The following XPO7 variants were observed in gnomAD, a reference collection of about 807,000 sequenced individuals.
The protein encoded by XPO7 is exportin-7.
Under a neutral mutation model 144.3 loss-of-function variants are expected in XPO7, and 21 were observed. That is an observed-to-expected ratio of 0.15 (90% CI 0.10 to 0.21). The LOEUF is 0.21. Among genes scored for constraint, XPO7 ranks in the 10% least tolerant of loss-of-function variants. The pLI, the probability that XPO7 is intolerant of heterozygous loss-of-function variation, is 1.00. For missense variants in XPO7, 808 were observed against 1,325.8 expected (o/e 0.61, Z 6.06); for synonymous variants, 580 against 499.6 (o/e 1.16, Z -2.15).
chr8:21,943,277 G>A (rs1389263474), intron 1 of XPO7, among the ~76,000 whole-genome samples: 1 of 152,152 alleles, frequency 6.6e-6, no homozygotes, highest in Admixed American at 6.5e-5. Flanking sequence ...ACACAATACG[G>A]CTTTCCCTGG....
intron 9 of XPO7, among the ~76,000 whole-genome samples, chr8:21,981,069 T>C (rs1377288966): frequency 6.6e-6 from 1 of 152,196 alleles, no homozygotes; most frequent in Non-Finnish European, 1.5e-5. Context: ...ACAAATTACA[T>C]TGAATACCTA....
At position 21,989,459 on chromosome 8, in the gene XPO7, A is replaced by T. The variant is rs191641630; in HGVS notation, c.1868+376A>T. 2.6e-3 allele frequency among the ~76,000 whole-genome samples: 403 copies of T among 152,318 alleles called. 1 individual carries two copies. The highest frequency in any genetic ancestry group is 4.4e-3 in the Non-Finnish European group (299 of 68,020). Reference sequence around the variant, plus strand: ...GGTTGGTAGAAACATCCTGATTCCAAGCTTTGTGATTGAAGTGATGACTAT... The same window carrying T: ...GGTTGGTAGAAACATCCTGATTCCATGCTTTGTGATTGAAGTGATGACTAT... On this transcript the variant is annotated intron_variant, in intron 16 of 27. Transcript: ENST00000252512.
intron 14 of XPO7, 111 bp from the exon 15 acceptor site, chr8:21,987,673 G>T (rs1223956343): frequency 8.3e-7 from 1 of 1,204,166 alleles, no homozygotes. Context: ...TCCTCTCTGG[G>T]ATTCTTGTCC....
intron 20 of XPO7, among the ~76,000 whole-genome samples, chr8:21,994,890 A>G (rs993390517): frequency 3.3e-5 from 5 of 151,904 alleles, no homozygotes; most frequent in African/African-American, 1.2e-4. Context: ...CGTCTGTACT[A>G]AAAAATACAA....
At chr8:21,966,398 TAAC>T (rs973953262) in intron 1 of XPO7, 5 of 736,202 alleles carry the variant, frequency 6.8e-6, no homozygotes, top group Admixed American at 3.9e-5. Context: ...TGTAAGCTAA[TAAC>T]TACTACTCAA....
At chr8:21,934,570 A>G (rs146089639) in intron 1 of XPO7, among the ~76,000 whole-genome samples, 154 of 152,296 alleles carry the variant, frequency 1.0e-3, no homozygotes, top group African/African-American at 3.6e-3. Flanking sequence ...TAGAGAACTG[A>G]TATTTTTATT....
chr8:21,997,531 A>G (rs1175010734), intron 21 of XPO7, among the ~76,000 whole-genome samples: 1 of 152,204 alleles, frequency 6.6e-6, no homozygotes, highest in Non-Finnish European at 1.5e-5. Context: ...GAGATAGGAC[A>G]GGCTTGCTGG....
At position 21,980,182 on chromosome 8, in the gene XPO7, A is replaced by G; in HGVS notation, c.936A>G (p.Lys312=). 1 of 1,598,098 alleles carries G rather than the reference A, an allele frequency of 6.3e-7. No homozygotes were observed. Among genetic ancestry groups the G allele is most frequent in the South Asian group, 1.1e-5 (1 of 88,248 alleles). Residue 312 remains lysine, a synonymous_variant, in exon 9 of 28, where the codon AAA becomes AAG. Coordinates refer to ENST00000252512, the MANE Select transcript of XPO7 (RefSeq NM_015024.5). The stretch of plus-strand genomic sequence containing the variant: ...TCTCTCATCTTGTTGATGGTGTTAA[A>G]CGAATACTGGAAAACCCACAGGTAA... ...KFLSHLVDGV[K]RILENPQSLS... is the part of the protein sequence containing the mutation.
intron 1 of XPO7, chr8:21,964,150 G>A (rs915203300): frequency 1.3e-5 from 2 of 152,114 alleles, no homozygotes; most frequent in African/African-American, 4.8e-5. Context: ...CTATTCCAGC[G>A]AGACAAGAAG....
intron 1 of XPO7, among the ~76,000 whole-genome samples, chr8:21,960,625 T>C (rs1459878073): frequency 6.6e-6 from 1 of 152,242 alleles, no homozygotes; most frequent in Non-Finnish European, 1.5e-5. Context: ...TTGCCATCCT[T>C]ATCTCATGCA....
chr8:21,938,371 A>G (rs965383289), intron 1 of XPO7, among the ~76,000 whole-genome samples: 1 of 152,306 alleles, frequency 6.6e-6, no homozygotes, highest in South Asian at 2.1e-4. Flanking sequence ...ATCCATTAGC[A>G]CTATCTGTGT....
chr8:21,941,230 C>T (rs907923369), intron 1 of XPO7, among the ~76,000 whole-genome samples: 1 of 151,834 alleles, frequency 6.6e-6, no homozygotes, highest in Non-Finnish European at 1.5e-5. Context: ...CTTGACCACG[C>T]CACAACCCCG....
intron 1 of XPO7, among the ~76,000 whole-genome samples, chr8:21,954,071 A>C (rs1336741240): frequency 6.6e-6 from 1 of 152,218 alleles, no homozygotes; most frequent in African/African-American, 2.4e-5. Context: ...TCTCTGGGCC[A>C]GTTTATGTAT....
chr8:21,953,542 G>A (rs539483951), intron 1 of XPO7, among the ~76,000 whole-genome samples: 1 of 152,318 alleles, frequency 6.6e-6, no homozygotes, highest in South Asian at 2.1e-4. Flanking sequence ...ACCAAGGAGC[G>A]CAATTGCTGG....
intron 1 of XPO7, among the ~76,000 whole-genome samples, chr8:21,931,398 G>A (rs952883894): frequency 1.6e-4 from 25 of 152,038 alleles, no homozygotes; most frequent in Non-Finnish European, 2.5e-4. Context: ...CTTGACCTCA[G>A]CCTCCCAAAT....
chr8:22,004,460 T>C (rs1381328727), intron 27 of XPO7, among the ~76,000 whole-genome samples: 3 of 152,210 alleles, frequency 2.0e-5, no homozygotes, highest in East Asian at 1.9e-4. Flanking sequence ...AGTAACTGCA[T>C]TGAGTATCTG....
At chr8:21,945,615 TAAATA>T (rs566064931) in intron 1 of XPO7, among the ~76,000 whole-genome samples, 2 of 152,358 alleles carry the variant, frequency 1.3e-5, no homozygotes, top group South Asian at 4.1e-4. Flanking sequence ...AAATGCTTAG[TAAATA>T]AAATATTGAA....
chr8:21,932,946 C>A (rs1278752506), intron 1 of XPO7, among the ~76,000 whole-genome samples: 1 of 151,822 alleles, frequency 6.6e-6, no homozygotes, highest in Admixed American at 6.6e-5. Flanking sequence ...TCACATTGAC[C>A]TTTGTTAGAG....
chr8:21,984,780 C>T lies in XPO7; in HGVS notation c.1412C>T (p.Ser471Leu), dbSNP rs1401818537. The change falls in exon 12 of 28, where the codon TCG becomes TTG. Residue 471 changes from serine (S) to leucine (L), a missense_variant. Transcript: ENST00000252512. ...CAGTTGTTTGACCAGTCGGCCCAGTCGTACCAGGAGCTGCTACAGAGCGCC... is the reference window on the plus strand; with the variant it reads ...CAGTTGTTTGACCAGTCGGCCCAGTTGTACCAGGAGCTGCTACAGAGCGCC... Reference protein sequence around the residue: ...LVQLFDQSAQSYQELLQSASA... With the variant: ...LVQLFDQSAQLYQELLQSASA... The T allele has an allele frequency of 6.2e-7, 1 of 1,613,950 alleles. No individual in the cohort carries two copies. The highest frequency in any genetic ancestry group is 8.5e-7 in the Non-Finnish European group (1 of 1,179,902).
Sources: allele counts gnomAD v4.1 joint callset (sites outside exome capture counted in the v4.1 genomes callset), GRCh38; gene constraint gnomAD v4.1.1; transcripts MANE v1.5; gene names NCBI Gene and HGNC (gene_info 2026-07-23, HGNC 2026-07-21).